Variants in XIRP2 observed in about 807,000 individuals in gnomAD.
XIRP2 encodes the protein xin actin binding repeat containing 2.
Under a neutral mutation model 277.0 loss-of-function variants are expected in XIRP2, and 236 were observed. The ratio of observed to expected loss-of-function variants is 0.85; its 90% CI spans 0.77 to 0.95. XIRP2 has a LOEUF of 0.95. Among genes scored for constraint, XIRP2 ranks in the 40% least tolerant of loss-of-function variants. The pLI is 0.00. For synonymous variants in XIRP2, 1,490 were observed against 1,416.5 expected, an observed-to-expected ratio of 1.05 and a Z score of -1.17; for missense variants, 4,640 against 4,157.5, an observed-to-expected ratio of 1.12 and a Z score of -3.19.
chr2:166,919,775 C>T (rs961643130), intron 2 of XIRP2, among the ~76,000 whole-genome samples: 4 of 151,946 alleles, frequency 2.6e-5, no homozygotes, highest in Non-Finnish European at 1.5e-5. Flanking sequence ...AAACCAGGAG[C>T]TCCACAGAGA....
chr2:166,916,858 TC>T (rs1387176104), intron 2 of XIRP2, among the ~76,000 whole-genome samples: 1 of 152,198 alleles, frequency 6.6e-6, no homozygotes, highest in African/African-American at 2.4e-5. Flanking sequence ...TCCTTAGTTT[TC>T]ATATCTGTAA....
chr2:167,090,677 G>A lies in XIRP2; in HGVS notation c.409-45232G>A, dbSNP rs146266121. On this transcript the variant is annotated intron_variant, in intron 2 of 10. Coordinates refer to ENST00000409195, the MANE Select transcript of XIRP2 (RefSeq NM_152381.6). ...GGCTTTGGCACTGCATTACAACATG[G>A]TGGAGAAGGTCAAAGGGAAAGGGAA... Among the ~76,000 whole-genome samples the A allele has an allele frequency of 3.0e-3, 455 of 152,184 alleles. 4 individuals carry two copies. Among genetic ancestry groups the A allele is most frequent in the African/African-American group, 0.01 (434 of 41,490 alleles).
intron 3 of XIRP2, among the ~76,000 whole-genome samples, chr2:167,182,510 A>G (rs1024171996): frequency 6.6e-6 from 1 of 152,170 alleles, no homozygotes; most frequent in African/African-American, 2.4e-5. Flanking sequence ...TCCCTCTCAA[A>G]ACATATCACC....
intron 2 of XIRP2, among the ~76,000 whole-genome samples, chr2:167,046,667 A>T (rs1002979174): frequency 6.6e-6 from 1 of 152,040 alleles, no homozygotes; most frequent in Non-Finnish European, 1.5e-5. Context: ...ATGACTTGAC[A>T]TGGGAACAGC....
In XIRP2 at chr2:167,245,097, T is replaced by C. The variant is rs1301547679; in HGVS notation, c.3705T>C (p.Asn1235=). 7.5e-6 allele frequency: 12 copies of C among 1,609,400 alleles called. No homozygotes were observed. Among genetic ancestry groups the C allele is most frequent in the Middle Eastern group, 1.7e-4 (1 of 6,018 alleles). The change falls in exon 9 of 11, where the codon AAT becomes AAC. Residue 1235 remains asparagine, a synonymous_variant. Coordinates refer to ENST00000409195, the MANE Select transcript of XIRP2 (RefSeq NM_152381.6). ...AAACTGAAGATATTCAGAAAGGCAA[T>C]GTTTTAAATTGTAGGTGGCTTTTTG... ...TLKTEDIQKG[N]VLNCRWLFEN...
At chr2:166,904,729 T>C (rs867701800) in intron 2 of XIRP2, among the ~76,000 whole-genome samples, 5 of 152,132 alleles carry the variant, frequency 3.3e-5, no homozygotes, top group African/African-American at 1.2e-4. Flanking sequence ...AATTAATACA[T>C]GATCTCAGGT....
At chr2:167,184,089 G>C (rs139539593) in intron 3 of XIRP2, among the ~76,000 whole-genome samples, 2 of 152,144 alleles carry the variant, frequency 1.3e-5, no homozygotes, top group Non-Finnish European at 2.9e-5. Flanking sequence ...GGGGAGATTG[G>C]CTGTGTTTGA....
intron 3 of XIRP2, among the ~76,000 whole-genome samples, chr2:167,151,069 A>T (rs1692002259): frequency 1.3e-5 from 2 of 151,124 alleles, no homozygotes; most frequent in Non-Finnish European, 3.0e-5. Context: ...TCAATGTAGC[A>T]CATTTCACCA....
chr2:166,944,915 C>T lies in XIRP2; in HGVS notation c.408+41025C>T, dbSNP rs547573017. Among the ~76,000 whole-genome samples, 5 of 143,476 alleles carry T rather than the reference C, an allele frequency of 3.5e-5. No individual in the cohort carries two copies. The South Asian group carries it at 9.3e-4, about 27-fold the overall frequency. The allele number at this position is 143,476 out of a possible 152,430, so 94.1% of individuals were successfully genotyped here. ...ACCGAATCTTCAGGCAAAAGTGATT[C>T]AAATGCTGCTGGTTCCTGAGGTATC... On this transcript the variant is annotated intron_variant, in intron 2 of 10. Coordinates refer to ENST00000409195, the MANE Select transcript of XIRP2 (RefSeq NM_152381.6).
In XIRP2 at chr2:167,243,617, A is replaced by G. The variant is rs560857672; in HGVS notation, c.2225A>G (p.Tyr742Cys). 9.3e-6 allele frequency: 15 copies of G among 1,614,050 alleles called. No homozygotes were observed. The African/African-American group carries it at 1.3e-4, about 14-fold the overall frequency. ...SIKCFETQPL[Y>C]VIRDGSGQML... ...AAATGTTTCGAAACTCAACCATTAT[A>G]TGTTATTAGAGATGGTTCGGGCCAA... Residue 742 changes from tyrosine to cysteine, a missense_variant, in exon 9 of 11, where the codon TAT becomes TGT. By Grantham distance (194) the Tyr-to-Cys change is radical. Transcript: ENST00000409195.
intron 3 of XIRP2, among the ~76,000 whole-genome samples, chr2:167,139,923 C>T (rs897886381): frequency 6.6e-6 from 1 of 152,174 alleles, no homozygotes; most frequent in African/African-American, 2.4e-5. Context: ...ATATTGGAAG[C>T]TGACATTCGT....
chr2:167,214,576 T>C (rs778564275), intron 4 of XIRP2, among the ~76,000 whole-genome samples: 4 of 152,096 alleles, frequency 2.6e-5, no homozygotes, highest in Non-Finnish European at 4.4e-5. Context: ...TGTTTTGTTT[T>C]GTTCTTTTGA....
intron 2 of XIRP2, among the ~76,000 whole-genome samples, chr2:167,024,448 C>G (rs1466994573): frequency 6.6e-6 from 1 of 151,990 alleles, no homozygotes; most frequent in Non-Finnish European, 1.5e-5. Context: ...CCTTTATTTC[C>G]TTCTCCTGCC....
intron 2 of XIRP2, among the ~76,000 whole-genome samples, chr2:166,941,705 T>G (rs2105383457): frequency 6.6e-6 from 1 of 152,352 alleles, no homozygotes; most frequent in South Asian, 2.1e-4. Context: ...CAGAAGTTTC[T>G]ACATATGTTT....
chr2:167,241,709 C>T, intron 7 of XIRP2, 68 bp from the exon 8 acceptor site: 1 of 1,513,108 alleles, frequency 6.6e-7, no homozygotes, highest in South Asian at 1.3e-5. Flanking sequence ...CATGCCCAGC[C>T]ATAATTTCTT....
chr2:167,247,593 T>TA lies in XIRP2; in HGVS notation c.6202dup (p.Thr2068AsnfsTer8). ...GAGACAAAACGGGTGTCTGGACTGA[T>TA]ACTACAGGAGAACAGCATCTTAGAG... is the stretch of plus-strand genomic sequence containing the variant. On this transcript the variant is annotated frameshift_variant, in exon 9 of 11. Transcript: ENST00000409195. LOFTEE classifies it high-confidence loss of function. 6.2e-7 allele frequency: 1 copy of TA among 1,613,682 alleles called. No individual in the cohort carries two copies. Among genetic ancestry groups the TA allele is most frequent in the Non-Finnish European group, 8.5e-7 (1 of 1,179,720 alleles).
chr2:167,259,076 A>G lies in XIRP2; in HGVS notation c.*1259A>G. On this transcript the variant is annotated 3_prime_UTR_variant, in exon 11 of 11. Coordinates refer to ENST00000409195, the MANE Select transcript of XIRP2 (RefSeq NM_152381.6). ...TTTCTTTTCTAACACCGTGAAAATC[A>G]CTGCATTTTCCAAGAAAAATGAGAA... 1 of 1,611,764 alleles carries G rather than the reference A, an allele frequency of 6.2e-7. No homozygotes were observed. The highest frequency in any genetic ancestry group is 8.5e-7 in the Non-Finnish European group (1 of 1,178,456).
In XIRP2 at chr2:167,213,872, A is replaced by T. The variant is rs78127903; in HGVS notation, c.723+2977A>T. ...AAGATTTGTCTCACTTGGGTGAATG[A>T]GCAGCTGCAGTAGCGTAATGATAGT... On this transcript the variant is annotated intron_variant, in intron 4 of 10. Transcript: ENST00000409195. Among the ~76,000 whole-genome samples the T allele has an allele frequency of 1.5e-3, 235 of 152,172 alleles. 3 individuals are homozygous for T. In the East Asian group the frequency reaches 0.019, roughly 13 times the overall value.
chr2:167,090,901 C>T (rs773798659), intron 2 of XIRP2, among the ~76,000 whole-genome samples: 2 of 152,094 alleles, frequency 1.3e-5, no homozygotes, highest in Non-Finnish European at 2.9e-5. Context: ...CCTGACAACA[C>T]CACCCTACTG....
Sources: allele counts gnomAD v4.1 joint callset (sites outside exome capture counted in the v4.1 genomes callset), GRCh38; gene constraint gnomAD v4.1.1; transcripts MANE v1.5; gene names NCBI Gene and HGNC (gene_info 2026-07-23, HGNC 2026-07-21).